The following ZDHHC21 variants were observed in gnomAD, a reference collection of about 807,000 sequenced individuals.
ZDHHC21 encodes palmitoyltransferase ZDHHC21.
In ZDHHC21, 15 loss-of-function variants were observed where a neutral mutation model predicts 34.6. That is an observed-to-expected ratio of 0.43 (90% CI 0.29 to 0.67). ZDHHC21 has a LOEUF of 0.67. ZDHHC21 is among the 30% of genes least tolerant of loss of function. The probability of loss-of-function intolerance (pLI) is 0.14; values close to 1 mark genes in which losing one functional copy is unlikely to be tolerated. For missense variants in ZDHHC21, 344 were observed against 327.7 expected (o/e 1.05, Z -0.38); for synonymous variants, 142 against 101.8 (o/e 1.40, Z -2.38).
chr9:14,639,382 G>A (rs13302629), intron 8 of ZDHHC21, among the ~76,000 whole-genome samples: 34,266 of 151,912 alleles, frequency 0.23, 3,998 homozygotes, highest in Middle Eastern at 0.32. Flanking sequence ...AGCGGGGGAC[G>A]AAGAGAGTGT....
chr9:14,652,921 T>C lies in ZDHHC21; in HGVS notation c.504+5828A>G, dbSNP rs534907124. ...TCCATTCAGCTTTGGAATTTAAAGA[T>C]GGGCTAGAAAAGATACTATGCTGCC... is the stretch of plus-strand genomic sequence containing the variant. On this transcript the variant is annotated intron_variant, in intron 7 of 9. Coordinates refer to ENST00000380916, the MANE Select transcript of ZDHHC21 (RefSeq NM_178566.6). Among the ~76,000 whole-genome samples, 267 of 152,044 alleles carry C rather than the reference T, an allele frequency of 1.8e-3. 1 individual carries two copies. The highest frequency in any genetic ancestry group is 6.2e-3 in the African/African-American group (259 of 41,506).
chr9:14,634,287 A>G lies in ZDHHC21; in HGVS notation c.621+5609T>C, dbSNP rs554469857. ...GGCAGAGGTTTGTTCTGCCAATACT[A>G]TTGCCATTACCCACGCCATGCCCAT... On this transcript the variant is annotated intron_variant, in intron 8 of 9. Coordinates refer to ENST00000380916, the MANE Select transcript of ZDHHC21 (RefSeq NM_178566.6). 1.1e-3 allele frequency among the ~76,000 whole-genome samples: 165 copies of G among 152,264 alleles called. 2 individuals are homozygous for G. The highest frequency in any genetic ancestry group is 3.6e-3 in the African/African-American group (148 of 41,544).
At chr9:14,626,974 A>T (rs1264730744) in intron 8 of ZDHHC21, among the ~76,000 whole-genome samples, 1 of 152,062 alleles carries the variant, frequency 6.6e-6, no homozygotes, top group Non-Finnish European at 1.5e-5. Flanking sequence ...AGCTCCCTTT[A>T]TAGAAGTATA....
At chr9:14,650,998 G>A (rs1831144330) in intron 7 of ZDHHC21, among the ~76,000 whole-genome samples, 1 of 151,832 alleles carries the variant, frequency 6.6e-6, no homozygotes, top group South Asian at 2.1e-4. Flanking sequence ...AGAAGCTAAA[G>A]GACATAATTT....
downstream of ZDHHC21, among the ~76,000 whole-genome samples, chr9:14,606,740 T>C (rs1420345636): frequency 6.6e-6 from 1 of 151,910 alleles, no homozygotes; most frequent in Non-Finnish European, 1.5e-5. Context: ...ACCTATTAAA[T>C]AGATTAAAAA....
intron 7 of ZDHHC21, among the ~76,000 whole-genome samples, chr9:14,642,331 G>A (rs1829510553): frequency 6.6e-6 from 1 of 151,768 alleles, no homozygotes; most frequent in South Asian, 2.1e-4. Flanking sequence ...CTTTACTTCT[G>A]TCTTAGATTT....
intron 8 of ZDHHC21, among the ~76,000 whole-genome samples, chr9:14,632,412 T>C (rs1358408530): frequency 6.6e-6 from 1 of 152,034 alleles, no homozygotes; most frequent in Non-Finnish European, 1.5e-5. Context: ...AGAATAAAGA[T>C]GGACCCCTAC....
chr9:14,633,679 C>T (rs557503747), intron 8 of ZDHHC21, among the ~76,000 whole-genome samples: 3 of 152,258 alleles, frequency 2.0e-5, no homozygotes, highest in Admixed American at 1.3e-4. Context: ...GGCTGAAGCA[C>T]AAACTACTGG....
intron 5 of ZDHHC21, among the ~76,000 whole-genome samples, chr9:14,672,499 G>A (rs1200753593): frequency 6.6e-6 from 1 of 151,964 alleles, no homozygotes; most frequent in African/African-American, 2.4e-5. Context: ...GGGTCTTTGG[G>A]CTGGATCGCA....
At chr9:14,623,941 T>TA (rs1447081705) in intron 8 of ZDHHC21, among the ~76,000 whole-genome samples, 1 of 152,054 alleles carries the variant, frequency 6.6e-6, no homozygotes, top group African/African-American at 2.4e-5. Flanking sequence ...GCAGTCATTA[T>TA]AAAAAACAGT....
At position 14,616,919 on chromosome 9, in the gene ZDHHC21, T is replaced by C. The variant is rs1824308291; in HGVS notation, c.*2047A>G. Reference sequence around the variant, plus strand: ...CTAGATGAGGTAAATCTAGGAAAAATAAGAGCACAAATCATCAGAGTGGGA... The same window carrying C: ...CTAGATGAGGTAAATCTAGGAAAAACAAGAGCACAAATCATCAGAGTGGGA... On this transcript the variant is annotated 3_prime_UTR_variant, in exon 10 of 10. Coordinates refer to ENST00000380916, the MANE Select transcript of ZDHHC21 (RefSeq NM_178566.6). The C allele has an allele frequency of 2.0e-5, 3 of 151,658 alleles. No homozygotes were observed. Among genetic ancestry groups the C allele is most frequent in the South Asian group, 4.2e-4 (2 of 4,802 alleles). The allele number at this position is 151,658 out of a possible 1,614,324, so 9.4% of individuals were successfully genotyped here. A position where few individuals can be genotyped will look rare whatever the true frequency, so the allele number is the denominator to read the frequency against.
the ZDHHC21 span, among the ~76,000 whole-genome samples, chr9:14,596,926 AGAAGT>A: frequency 6.6e-6 from 1 of 152,104 alleles, no homozygotes; most frequent in Non-Finnish European, 1.5e-5. Context: ...GGAAGGAGAG[AGAAGT>A]GAAGCAGCCA....
chr9:14,663,564 A>G (rs1035069362), intron 5 of ZDHHC21, among the ~76,000 whole-genome samples: 5 of 99,646 alleles, frequency 5.0e-5, no homozygotes, highest in African/African-American at 2.0e-4. Context: ...CTTTTTTAAG[A>G]TTCTCTGTTT....
At chr9:14,619,720 G>C in intron 8 of ZDHHC21, 38 bp from the exon 9 acceptor site, 2 of 1,161,910 alleles carry the variant, frequency 1.7e-6, no homozygotes, top group South Asian at 1.5e-5. Flanking sequence ...ATGTAAGAAA[G>C]TTATTAAGTC....
rs1410976165 is a variant in ZDHHC21 at position 14,613,743 on chromosome 9, T to C, written c.*5223A>G. ...TTAAAGTGAAAGCCACCCTTATATA[T>C]TGTTTATTTTTCCTCTGGTGACAAA... On this transcript the variant is annotated 3_prime_UTR_variant, in exon 10 of 10. Coordinates refer to ENST00000380916, the MANE Select transcript of ZDHHC21 (RefSeq NM_178566.6). 1 of 151,726 alleles carries C rather than the reference T, an allele frequency of 6.6e-6. No individual in the cohort carries two copies. Among genetic ancestry groups the C allele is most frequent in the Non-Finnish European group, 1.5e-5 (1 of 67,768 alleles). The allele number at this position is 151,726 out of a possible 1,614,324, so 9.4% of individuals were successfully genotyped here.
chr9:14,686,205 T>A (rs1002862760), intron 2 of ZDHHC21, among the ~76,000 whole-genome samples: 2 of 149,628 alleles, frequency 1.3e-5, no homozygotes, highest in Non-Finnish European at 3.0e-5. Context: ...AAGTATAATT[T>A]AAAAAAAAGA....
the ZDHHC21 span, among the ~76,000 whole-genome samples, chr9:14,598,303 C>T: frequency 6.6e-6 from 1 of 152,180 alleles, no homozygotes; most frequent in Non-Finnish European, 1.5e-5. Flanking sequence ...TCACTAACAA[C>T]CATAGCCTAA....
chr9:14,665,764 G>A (rs1834320074), intron 5 of ZDHHC21, among the ~76,000 whole-genome samples: 1 of 146,534 alleles, frequency 6.8e-6, no homozygotes, highest in Admixed American at 6.8e-5. Flanking sequence ...CATAAGTGAA[G>A]GAGAAATAAA....
chr9:14,619,871 C>CCT (rs1824976030), intron 8 of ZDHHC21, among the ~76,000 whole-genome samples, 189 bp from the exon 9 acceptor site: 2 of 111,482 alleles, frequency 1.8e-5, no homozygotes, highest in South Asian at 6.6e-4. Flanking sequence ...ACAAAATCAA[C>CCT]ATTATACTAT....
Sources: allele counts gnomAD v4.1 joint callset (sites outside exome capture counted in the v4.1 genomes callset), GRCh38; gene constraint gnomAD v4.1.1; transcripts MANE v1.5; gene names NCBI Gene and HGNC (gene_info 2026-07-23, HGNC 2026-07-21).